CLUL1: variants seen among roughly 807,000 people sequenced by gnomAD.
The protein encoded by CLUL1 is clusterin like 1.
Under a neutral mutation model 49.4 loss-of-function variants are expected in CLUL1, and 43 were observed. The ratio of observed to expected loss-of-function variants is 0.87; its 90% CI spans 0.68 to 1.12. The LOEUF (loss-of-function observed/expected upper bound fraction) is 1.12, where lower values mean the gene tolerates loss of function less well. Ranked by LOEUF, CLUL1 falls within the 50% of genes most tolerant of loss-of-function variation. The pLI, the probability that CLUL1 is intolerant of heterozygous loss-of-function variation, is 0.00. For missense variants in CLUL1, 486 were observed against 544.4 expected (o/e 0.89, Z 1.07); for synonymous variants, 192 against 184.9 (o/e 1.04, Z -0.31).
intron 9 of CLUL1, 183 bp from the exon 10 acceptor site, chr18:649,715 G>A: frequency 1.9e-6 from 1 of 514,742 alleles, no homozygotes; most frequent in Middle Eastern, 3.1e-4. Context: ...TCTTCAAATT[G>A]TTAAGAATAT....
chr18:600,390 G>A (rs539704234), intron 1 of CLUL1, among the ~76,000 whole-genome samples: 65 of 152,196 alleles, frequency 4.3e-4, no homozygotes, highest in Non-Finnish European at 7.9e-4. Flanking sequence ...TGAGGATAAG[G>A]ACTTACTGCA....
Position 641,335 on chromosome 18 carries a change from G to A in CLUL1, c.1003G>A (p.Asp335Asn). The A allele has an allele frequency of 6.2e-7, 1 of 1,614,136 alleles. No homozygotes were observed. The highest frequency in any genetic ancestry group is 8.5e-7 in the Non-Finnish European group (1 of 1,180,026). ...ACTTTCTTCTCTGCTAGACTGTCCTGATGTACCTGCTCTGCACACAGAATT... is the reference window on the plus strand; with the variant it reads ...ACTTTCTTCTCTGCTAGACTGTCCTAATGTACCTGCTCTGCACACAGAATT... ...CQAHLSEDCPDVPALHTELDE... is the reference protein window; with the variant it reads ...CQAHLSEDCPNVPALHTELDE... Residue 335 changes from aspartate to asparagine, a missense_variant, in exon 8 of 10, where the codon GAT (aspartate) becomes AAT (asparagine). Physicochemically the swap from Asp to Asn is conservative, Grantham distance 23 (BLOSUM62 1). Coordinates refer to ENST00000692774, the MANE Select transcript of CLUL1 (RefSeq NM_001393344.1).
At chr18:609,261 A>C (rs1164853303) in intron 2 of CLUL1, among the ~76,000 whole-genome samples, 1 of 152,214 alleles carries the variant, frequency 6.6e-6, no homozygotes, top group African/African-American at 2.4e-5. Context: ...GACACTCTGT[A>C]GTTGTCTTTC....
intron 4 of CLUL1, among the ~76,000 whole-genome samples, chr18:623,263 C>T (rs1201278796): frequency 2.6e-5 from 4 of 152,116 alleles, no homozygotes; most frequent in Non-Finnish European, 5.9e-5. Flanking sequence ...AAACTCCTGA[C>T]ATCAGGTGAT....
intron 2 of CLUL1, among the ~76,000 whole-genome samples, chr18:613,978 G>A (rs1405598533): frequency 1.3e-5 from 2 of 152,176 alleles, no homozygotes; most frequent in African/African-American, 4.8e-5. Context: ...AATAATCACA[G>A]AACTTCAGAG....
intron 2 of CLUL1, among the ~76,000 whole-genome samples, chr18:612,350 C>T (rs2073159564): frequency 6.6e-6 from 1 of 152,234 alleles, no homozygotes; most frequent in South Asian, 2.1e-4. Context: ...CTCTGCCACA[C>T]TTGGCCAAGT....
In CLUL1 at chr18:627,457, AT is replaced by A; in HGVS notation, c.787del (p.Tyr263MetfsTer12). ...FQLFCNFSVS[I>X]YESVSETITK... Reference sequence around the variant, plus strand: ...GCTGTTTTGTAATTTCAGTGTCTCTATTTATGAAAGTGTCAGTGAAACAATT... The same window carrying A: ...GCTGTTTTGTAATTTCAGTGTCTCTATTATGAAAGTGTCAGTGAAACAATT... On this transcript the variant is annotated frameshift_variant, in exon 6 of 10. Coordinates refer to ENST00000692774, the MANE Select transcript of CLUL1 (RefSeq NM_001393344.1). LOFTEE classifies it high-confidence loss of function. 1 of 1,613,750 alleles carries A rather than the reference AT, an allele frequency of 6.2e-7. No individual in the cohort carries two copies. The highest frequency in any genetic ancestry group is 1.7e-5 in the Admixed American group (1 of 60,016).
At chr18:611,504 T>C (rs1026202003) in intron 2 of CLUL1, among the ~76,000 whole-genome samples, 4 of 152,002 alleles carry the variant, frequency 2.6e-5, no homozygotes, top group Non-Finnish European at 4.4e-5. Flanking sequence ...TTGGAGACTA[T>C]AGAGCACTAT....
chr18:637,111 T>C (rs944440272), intron 7 of CLUL1, among the ~76,000 whole-genome samples: 2 of 151,280 alleles, frequency 1.3e-5, no homozygotes, highest in African/African-American at 2.4e-5. Context: ...CTCAGCCTCC[T>C]GAGTAGCTGG....
chr18:640,974 T>C (rs1255701424), intron 7 of CLUL1, among the ~76,000 whole-genome samples: 1 of 152,224 alleles, frequency 6.6e-6, no homozygotes, highest in South Asian at 2.1e-4. Context: ...AATAGTAGTG[T>C]CCTTTTTAAG....
At chr18:613,205 C>A (rs1333619388) in intron 2 of CLUL1, 1 of 471,674 alleles carries the variant, frequency 2.1e-6, no homozygotes, top group South Asian at 4.2e-5. Flanking sequence ...CTGCTGCAAT[C>A]TCAGCTCACT....
chr18:626,923 GAA>G (rs1364650256), intron 5 of CLUL1, among the ~76,000 whole-genome samples, 172 bp from the exon 6 acceptor site: 56 of 1,220 alleles, frequency 0.046, 14 homozygotes, highest in Non-Finnish European at 0.35. Context: ...AAGAAAGAAA[GAA>G]AGAAGGAAAG....
At chr18:616,664 C>G (rs1946818200) in intron 2 of CLUL1, 1 of 907,976 alleles carries the variant, frequency 1.1e-6, no homozygotes, top group Admixed American at 6.2e-5. Context: ...TGATAGGACA[C>G]AGCTAAATCC....
chr18:645,089 TA>T lies in CLUL1; in HGVS notation c.1393del (p.Thr465ProfsTer6), dbSNP rs1242485744. ...KALQHFKEHF[K>X]TW is the part of the protein sequence containing the mutation. Reference sequence around the variant, plus strand: ...CTCTACAGCATTTTAAGGAACATTTTAAAACCTGGTAAGCAGAGTGCCTGGT... The same window carrying T: ...CTCTACAGCATTTTAAGGAACATTTTAAACCTGGTAAGCAGAGTGCCTGGT... On this transcript the variant is annotated frameshift_variant, in exon 9 of 10. Coordinates refer to ENST00000692774, the MANE Select transcript of CLUL1 (RefSeq NM_001393344.1). LOFTEE classifies it high-confidence loss of function. 2 of 1,599,912 alleles carry T rather than the reference TA, an allele frequency of 1.3e-6. No individual in the cohort carries two copies. Among genetic ancestry groups the T allele is most frequent in the Non-Finnish European group, 8.5e-7 (1 of 1,173,884 alleles).
chr18:616,459 A>T (rs897618386), intron 2 of CLUL1, among the ~76,000 whole-genome samples: 15 of 152,230 alleles, frequency 9.9e-5, no homozygotes, highest in South Asian at 2.1e-4. Flanking sequence ...ATTGAAAATT[A>T]AAAAAATATT....
intron 1 of CLUL1, among the ~76,000 whole-genome samples, chr18:605,180 G>C (rs1378191554): frequency 6.6e-6 from 1 of 152,172 alleles, no homozygotes; most frequent in Non-Finnish European, 1.5e-5. Flanking sequence ...AGATATCGCT[G>C]TTCTAAAAAT....
In CLUL1 at chr18:619,335, C is replaced by G; in HGVS notation, c.229C>G (p.Leu77Val). The G allele has an allele frequency of 6.2e-7, 1 of 1,612,824 alleles. No homozygotes were observed. The highest frequency in any genetic ancestry group is 1.3e-5 in the African/African-American group (1 of 74,950). Residue 77 changes from leucine (L) to valine (V), a missense_variant, in exon 4 of 10, where the codon CTG becomes GTG. Physicochemically the swap from Leu to Val is conservative, Grantham distance 32. Coordinates refer to ENST00000692774, the MANE Select transcript of CLUL1 (RefSeq NM_001393344.1). ...GGAACACACCAATCTAATGAGCACC[C>G]TGAAGAAATGCAGAGAAGAAAAGCA... ...EKEHTNLMST[L>V]KKCREEKQEA...
chr18:616,867 TA>T (rs1367850954), intron 2 of CLUL1: 3 of 165,200 alleles, frequency 1.8e-5, no homozygotes, highest in Admixed American at 1.3e-4. Flanking sequence ...GCATAATTAC[TA>T]GTACAGTTGC....
chr18:633,831 TGAATCAGGGCGGAGCGTGTAATC>T (rs2074061870), intron 7 of CLUL1, among the ~76,000 whole-genome samples: 1 of 115,530 alleles, frequency 8.7e-6, no homozygotes, highest in Non-Finnish European at 1.8e-5. Flanking sequence ...GTAATCGGAA[TGAATCAGGGCGGAGCGTGTAATC>T]GGAATGAATC....
Sources: allele counts gnomAD v4.1 joint callset (sites outside exome capture counted in the v4.1 genomes callset), GRCh38; gene constraint gnomAD v4.1.1; transcripts MANE v1.5; gene names NCBI Gene and HGNC (gene_info 2026-07-23, HGNC 2026-07-21).